Variants in TBC1D1 observed in about 807,000 individuals in gnomAD.
TBC1D1 encodes the protein TBC1 (tre-2/USP6, BUB2, cdc16) domain family, member 1.
TBC1D1 carries 89 observed loss-of-function variants against 125.6 expected under a neutral mutation model. The observed-to-expected ratio is 0.71, with a 90% confidence interval of 0.60 to 0.85. The LOEUF (loss-of-function observed/expected upper bound fraction) is 0.85, where lower values mean the gene tolerates loss of function less well. TBC1D1 is among the 40% of genes least tolerant of loss of function. TBC1D1 has a pLI of 0.00. For synonymous variants in TBC1D1, 565 were observed against 564.1 expected, an observed-to-expected ratio of 1.00 and a Z score of -0.02; for missense variants, 1,377 against 1,469.2, an observed-to-expected ratio of 0.94 and a Z score of 1.03.
intron 2 of TBC1D1, among the ~76,000 whole-genome samples, chr4:37,942,226 A>G (rs967375146): frequency 6.6e-6 from 1 of 152,176 alleles, no homozygotes. Context: ...CTGCATATAT[A>G]TTTAGGATAG....
intron 7 of TBC1D1, among the ~76,000 whole-genome samples, chr4:38,033,059 C>T (rs763335774): frequency 1.3e-5 from 2 of 152,174 alleles, no homozygotes; most frequent in African/African-American, 2.4e-5. Flanking sequence ...GACGCAGTCT[C>T]TGATTCTTAA....
chr4:37,985,280 C>T (rs1369209631), intron 2 of TBC1D1, among the ~76,000 whole-genome samples: 1 of 152,166 alleles, frequency 6.6e-6, no homozygotes, highest in Admixed American at 6.5e-5. Flanking sequence ...TGAATCTAAT[C>T]TTAAGTATCT....
intron 12 of TBC1D1, among the ~76,000 whole-genome samples, chr4:38,080,101 A>G (rs1353540317): frequency 3.3e-5 from 5 of 152,166 alleles, no homozygotes; most frequent in Admixed American, 3.3e-4. Context: ...TGTGGGGACC[A>G]CATTTTGAGA....
rs368274059 is a variant in TBC1D1 at position 37,902,079 on chromosome 4, C to T, written c.-17C>T. The T allele has an allele frequency of 1.3e-6, 2 of 1,580,716 alleles. No homozygotes were observed. The highest frequency in any genetic ancestry group is 1.4e-5 in the African/African-American group (1 of 73,502). On this transcript the variant is annotated 5_prime_UTR_variant, in exon 2 of 20. Coordinates refer to ENST00000261439, the MANE Select transcript of TBC1D1 (RefSeq NM_015173.4). ...ACAGTGATAACTGTTTTGCTGAGTTCCCAGACCCTTCCCAAGATGGAACCA... is the reference window on the plus strand; with the variant it reads ...ACAGTGATAACTGTTTTGCTGAGTTTCCAGACCCTTCCCAAGATGGAACCA...
chr4:38,103,268 A>AT (rs1382651200), intron 15 of TBC1D1, 111 bp downstream of exon 17: 2 of 1,101,574 alleles, frequency 1.8e-6, no homozygotes, highest in Non-Finnish European at 1.3e-6. Flanking sequence ...AGCAATCAAA[A>AT]TTTACTACTG....
In TBC1D1 at chr4:37,952,985, G is replaced by A. The variant is rs560035365; in HGVS notation, c.417+50473G>A. On this transcript the variant is annotated intron_variant, in intron 2 of 19. Transcript: ENST00000261439. ...ATGATGTGTGATCAAAATTGTGCAC[G>A]GCTAGATGTGCTGATTGATGACGTG... 8.5e-5 allele frequency among the ~76,000 whole-genome samples: 13 copies of A among 152,270 alleles called. No individual in the cohort carries two copies. The South Asian group carries it at 1.0e-3, about 12-fold the overall frequency.
intron 10 of TBC1D1, among the ~76,000 whole-genome samples, chr4:38,048,317 G>A (rs1046431243): frequency 3.9e-5 from 6 of 152,140 alleles, no homozygotes; most frequent in African/African-American, 1.4e-4. Flanking sequence ...AGGGATATTA[G>A]TAAGAATTTA....
chr4:38,062,268 G>GTT (rs562627652), intron 12 of TBC1D1, among the ~76,000 whole-genome samples: 3 of 141,454 alleles, frequency 2.1e-5, no homozygotes, highest in Non-Finnish European at 4.7e-5. Context: ...AAGTGTGCTT[G>GTT]TTTTTTTTTT....
intron 11 of TBC1D1, among the ~76,000 whole-genome samples, chr4:38,052,728 G>GCGCACA (rs1491148206): frequency 0.017 from 2,013 of 118,280 alleles, 39 homozygotes; most frequent in African/African-American, 0.058. Context: ...GCGCGCGCGC[G>GCGCACA]CACACACACA....
chr4:38,025,270 C>T (rs374483347), intron 6 of TBC1D1, among the ~76,000 whole-genome samples: 6 of 152,210 alleles, frequency 3.9e-5, no homozygotes, highest in Admixed American at 1.3e-4. Context: ...ACCTTTTCTG[C>T]TTCGGTCCTG....
At chr4:38,137,057 C>T in intron 19 of TBC1D1, 78 bp from the exon 22 acceptor site, 2 of 1,601,776 alleles carry the variant, frequency 1.2e-6, no homozygotes, top group Non-Finnish European at 8.5e-7. Context: ...GCTCCCAAGG[C>T]TGGACAGCGT....
chr4:37,938,639 G>A (rs912737754), intron 2 of TBC1D1, among the ~76,000 whole-genome samples: 3 of 151,970 alleles, frequency 2.0e-5, no homozygotes, highest in South Asian at 2.1e-4. Context: ...CCATTAACTC[G>A]TCATTTACAT....
At position 38,020,715 on chromosome 4, in the gene TBC1D1, T is replaced by G. The variant is rs1363116367; in HGVS notation, c.1077+20T>G. 1 of 1,603,180 alleles carries G rather than the reference T, an allele frequency of 6.2e-7. No individual in the cohort carries two copies. The highest frequency in any genetic ancestry group is 8.5e-7 in the Non-Finnish European group (1 of 1,171,358). ...GCTCTGGTGAGAGAGGACAAGCAAT[T>G]CTTACCTTGGAACCTTCTTTACAAG... is the stretch of plus-strand genomic sequence containing the variant. On this transcript the variant is annotated intron_variant, in intron 5 of 19. Coordinates refer to ENST00000261439, the MANE Select transcript of TBC1D1 (RefSeq NM_015173.4).
At chr4:37,955,813 C>G (rs2152325234) in intron 2 of TBC1D1, among the ~76,000 whole-genome samples, 1 of 152,180 alleles carries the variant, frequency 6.6e-6, no homozygotes, top group African/African-American at 2.4e-5. Context: ...TTACACTTTT[C>G]ATTTTTCTAT....
chr4:38,077,898 T>C (rs941944716), intron 12 of TBC1D1, among the ~76,000 whole-genome samples: 1 of 152,104 alleles, frequency 6.6e-6, no homozygotes, highest in African/African-American at 2.4e-5. Flanking sequence ...GGAAGTAGTA[T>C]TCTAAATCTG....
chr4:38,106,250 C>T (rs754253577), intron 15 of TBC1D1, among the ~76,000 whole-genome samples: 5 of 152,142 alleles, frequency 3.3e-5, no homozygotes, highest in South Asian at 2.1e-4. Context: ...GGGAAGGTGG[C>T]CTGCACCCTC....
intron 2 of TBC1D1, among the ~76,000 whole-genome samples, chr4:37,911,093 A>C (rs908625842): frequency 1.3e-5 from 2 of 149,384 alleles, no homozygotes; most frequent in African/African-American, 4.9e-5. Context: ...AGTAATAGGA[A>C]TATTCATCAC....
intron 2 of TBC1D1, among the ~76,000 whole-genome samples, chr4:37,905,884 C>A (rs1717204611): frequency 6.6e-6 from 1 of 152,128 alleles, no homozygotes; most frequent in Non-Finnish European, 1.5e-5. Flanking sequence ...TTGATCCCAC[C>A]CGTTTAAAAT....
chr4:37,927,087 C>T (rs1577894918), intron 2 of TBC1D1, among the ~76,000 whole-genome samples: 1 of 151,996 alleles, frequency 6.6e-6, no homozygotes, highest in Non-Finnish European at 1.5e-5. Context: ...CCACTGCACT[C>T]CAGCCTGGGG....
Sources: gnomAD v4.1 joint callset for allele counts (sites outside exome capture counted in the v4.1 genomes callset) on GRCh38, gnomAD v4.1.1 for gene constraint, MANE v1.5 for transcripts, NCBI Gene and HGNC (gene_info 2026-07-23, HGNC 2026-07-21) for gene names.